The following NCAM2 variants were observed in gnomAD, a reference collection of about 807,000 sequenced individuals.
NCAM2 encodes neural cell adhesion molecule 2, also known as N-CAM-2.
NCAM2 carries 30 observed loss-of-function variants against 98.1 expected under a neutral mutation model. That is an observed-to-expected ratio of 0.31 (90% CI 0.23 to 0.41). The LOEUF (loss-of-function observed/expected upper bound fraction) is 0.41. NCAM2 is among the 10% of genes least tolerant of loss of function. NCAM2 has a pLI of 1.00. For synonymous variants in NCAM2, 368 were observed against 342.4 expected (o/e 1.07, Z -0.83); for missense variants, 867 against 1,005.8 (o/e 0.86, Z 1.87).
intron 1 of NCAM2, among the ~76,000 whole-genome samples, chr21:21,064,198 T>A (rs955960218): frequency 6.6e-6 from 1 of 152,090 alleles, no homozygotes; most frequent in African/African-American, 2.4e-5. Context: ...GGGGGCAAGG[T>A]TCATGCCAGC....
intron 1 of NCAM2, among the ~76,000 whole-genome samples, chr21:21,064,338 A>G (rs2065387742): frequency 6.6e-6 from 1 of 152,220 alleles, no homozygotes; most frequent in Admixed American, 6.5e-5. Context: ...GCATTCATAA[A>G]AAGGGCTGGC....
intron 1 of NCAM2, among the ~76,000 whole-genome samples, chr21:21,115,957 TTG>T (rs58824475): frequency 0.033 from 4,930 of 147,212 alleles, 164 homozygotes; most frequent in African/African-American, 0.091. Flanking sequence ...CTCTGAGATT[TTG>T]TGTGTGTGTG....
At chr21:21,416,457 T>A (rs2076995235) in intron 10 of NCAM2, among the ~76,000 whole-genome samples, 1 of 151,720 alleles carries the variant, frequency 6.6e-6, no homozygotes, top group African/African-American at 2.4e-5. Flanking sequence ...TGCTGTTAGA[T>A]TGCTTAATGC....
chr21:21,350,913 C>A (rs1464110619), intron 8 of NCAM2, among the ~76,000 whole-genome samples: 1 of 145,034 alleles, frequency 6.9e-6, no homozygotes, highest in Non-Finnish European at 1.5e-5. Context: ...GGGTGAAACC[C>A]CGTCTCTAGT....
At chr21:21,240,852 A>G (rs1219753825) in intron 1 of NCAM2, among the ~76,000 whole-genome samples, 2 of 152,172 alleles carry the variant, frequency 1.3e-5, no homozygotes, top group East Asian at 1.9e-4. Flanking sequence ...ATAATTATAT[A>G]TATCTCACAG....
chr21:21,111,215 G>A (rs1488258364), intron 1 of NCAM2, among the ~76,000 whole-genome samples: 1 of 152,064 alleles, frequency 6.6e-6, no homozygotes, highest in Non-Finnish European at 1.5e-5. Flanking sequence ...AATCACAGTA[G>A]CCATATTGTA....
intron 12 of NCAM2, among the ~76,000 whole-genome samples, chr21:21,435,723 T>C (rs974916731): frequency 5.9e-5 from 9 of 152,238 alleles, no homozygotes; most frequent in East Asian, 3.8e-4. Flanking sequence ...CAGTTTCTTA[T>C]GGCTGTGCTG....
intron 5 of NCAM2, among the ~76,000 whole-genome samples, chr21:21,316,649 T>C: frequency 6.7e-6 from 1 of 150,308 alleles, no homozygotes; most frequent in East Asian, 2.0e-4. Flanking sequence ...GTTCAAGTGA[T>C]TCTCCTGCCT....
intron 1 of NCAM2, among the ~76,000 whole-genome samples, chr21:21,212,635 A>G (rs1335591764): frequency 1.3e-5 from 2 of 152,146 alleles, no homozygotes; most frequent in Non-Finnish European, 2.9e-5. Context: ...CATGGTTGTG[A>G]TACTATAGTT....
At chr21:21,503,641 A>G (rs1987780226) in intron 15 of NCAM2, among the ~76,000 whole-genome samples, 1 of 151,990 alleles carries the variant, frequency 6.6e-6, no homozygotes, top group African/African-American at 2.4e-5. Context: ...ACTACTGTAT[A>G]TAAGACATTT....
intron 9 of NCAM2, among the ~76,000 whole-genome samples, chr21:21,407,032 T>G (rs967348550): frequency 6.6e-6 from 1 of 152,194 alleles, no homozygotes; most frequent in Admixed American, 6.5e-5. Context: ...CCTCTGTACA[T>G]TTGAAACCTT....
At chr21:21,512,130 G>C (rs888818497) in intron 16 of NCAM2, among the ~76,000 whole-genome samples, 2 of 151,778 alleles carry the variant, frequency 1.3e-5, no homozygotes, top group Non-Finnish European at 2.9e-5. Flanking sequence ...TGTTTGCTTT[G>C]TTTATGCTTG....
intron 1 of NCAM2, among the ~76,000 whole-genome samples, chr21:21,067,015 C>T (rs879339640): frequency 2.0e-5 from 3 of 151,754 alleles, no homozygotes; most frequent in African/African-American, 2.4e-5. Flanking sequence ...AAAATATATG[C>T]GTCTGTTTAA....
intron 12 of NCAM2, among the ~76,000 whole-genome samples, chr21:21,440,490 T>C (rs1446297726): frequency 6.6e-6 from 1 of 152,004 alleles, no homozygotes; most frequent in Non-Finnish European, 1.5e-5. Flanking sequence ...AGGACCAACC[T>C]GGGCAACATG....
chr21:21,017,424 C>CAAAAAAAAA (rs11461275), intron 1 of NCAM2, among the ~76,000 whole-genome samples: 85 of 58,678 alleles, frequency 1.4e-3, no homozygotes, highest in Admixed American at 1.8e-3. Flanking sequence ...GACTCTGTCT[C>CAAAAAAAAA]AAAAAAAAAA....
chr21:21,036,609 G>A (rs190835356), intron 1 of NCAM2, among the ~76,000 whole-genome samples: 27 of 152,266 alleles, frequency 1.8e-4, no homozygotes, highest in Middle Eastern at 3.4e-3. Context: ...TACTCAGTTC[G>A]TTGGGGAAAG....
intron 1 of NCAM2, among the ~76,000 whole-genome samples, chr21:21,009,384 A>G (rs1002056341): frequency 1.4e-4 from 22 of 152,150 alleles, no homozygotes; most frequent in Admixed American, 1.4e-3. Context: ...CTAATTCAGG[A>G]GGAATAACAA....
chr21:21,149,609 C>T (rs1206898462), intron 1 of NCAM2, among the ~76,000 whole-genome samples: 2 of 151,810 alleles, frequency 1.3e-5, no homozygotes, highest in Non-Finnish European at 2.9e-5. Flanking sequence ...CTGTTTCCCT[C>T]CCTGTGCCCA....
At chr21:21,230,645 G>GT (rs2070584954) in intron 1 of NCAM2, among the ~76,000 whole-genome samples, 1 of 151,490 alleles carries the variant, frequency 6.6e-6, no homozygotes, top group African/African-American at 2.4e-5. Flanking sequence ...TTTGCTGTCA[G>GT]TAGGGTGCTT....
Sources: gnomAD v4.1 joint callset for allele counts (sites outside exome capture counted in the v4.1 genomes callset) on GRCh38, gnomAD v4.1.1 for gene constraint, MANE v1.5 for transcripts, NCBI Gene and HGNC (gene_info 2026-07-23, HGNC 2026-07-21) for gene names.